CNNM2: variants seen among roughly 807,000 people sequenced by gnomAD.
CNNM2 encodes the protein metal transporter CNNM2.
A neutral mutation model predicts 66.9 loss-of-function variants in CNNM2; 12 were observed. The observed-to-expected ratio is 0.18, with a 90% CI of 0.11 to 0.29. The LOEUF is 0.29. Ranked by LOEUF, CNNM2 falls within the 10% of genes least tolerant of loss-of-function variation. CNNM2 has a pLI of 1.00. For synonymous variants in CNNM2, 557 were observed against 501.8 expected (o/e 1.11, Z -1.47); for missense variants, 705 against 1,167.7 (o/e 0.60, Z 5.77).
At chr10:103,022,503 C>G (rs2064605918) in intron 1 of CNNM2, among the ~76,000 whole-genome samples, 1 of 152,168 alleles carries the variant, frequency 6.6e-6, no homozygotes, top group Non-Finnish European at 1.5e-5. Context: ...TTATCTCTTT[C>G]CAACTCTGTT....
intron 1 of CNNM2, among the ~76,000 whole-genome samples, chr10:102,925,103 C>T (rs150972635): frequency 3.3e-5 from 5 of 151,694 alleles, no homozygotes; most frequent in African/African-American, 9.7e-5. Flanking sequence ...TCAAGACCAG[C>T]CTGACCAACA....
Position 103,044,066 on chromosome 10 carries a change from A to G in CNNM2, c.1622-5641A>G, listed in dbSNP as rs1035889785. 7.2e-5 allele frequency among the ~76,000 whole-genome samples: 11 copies of G among 152,220 alleles called. No homozygotes were observed. In the South Asian group the frequency reaches 8.3e-4, roughly 11 times the overall value. On this transcript the variant is annotated intron_variant, in intron 1 of 7. Coordinates refer to ENST00000369878, the MANE Select transcript of CNNM2 (RefSeq NM_017649.5). ...TTTATAAAGTTTATTTAGTCTATGC[A>G]TATTTAAAAGTTTTAGTGTTTAATA...
intron 1 of CNNM2, among the ~76,000 whole-genome samples, chr10:102,998,775 T>C (rs953246463): frequency 2.0e-5 from 3 of 152,180 alleles, no homozygotes; most frequent in Admixed American, 6.5e-5. Flanking sequence ...AACCAGGAGT[T>C]TGAGACCACT....
intron 1 of CNNM2, among the ~76,000 whole-genome samples, chr10:102,997,396 T>A (rs2134250237): frequency 6.6e-6 from 1 of 152,314 alleles, no homozygotes; most frequent in African/African-American, 2.4e-5. Flanking sequence ...CATTTTAGTT[T>A]GAAGATGCAT....
At chr10:102,985,981 C>G (rs1333538364) in intron 1 of CNNM2, among the ~76,000 whole-genome samples, 1 of 152,154 alleles carries the variant, frequency 6.6e-6, no homozygotes, top group Non-Finnish European at 1.5e-5. Flanking sequence ...AGTGATTGCA[C>G]CTTACCTCCA....
chr10:102,974,982 G>A (rs890904613), intron 1 of CNNM2, among the ~76,000 whole-genome samples: 1 of 152,194 alleles, frequency 6.6e-6, no homozygotes, highest in Non-Finnish European at 1.5e-5. Flanking sequence ...GGCATGGGAA[G>A]CCCATAATTA....
chr10:102,998,674 C>T (rs886203934), intron 1 of CNNM2, among the ~76,000 whole-genome samples: 6 of 152,046 alleles, frequency 3.9e-5, no homozygotes, highest in Non-Finnish European at 8.8e-5. Flanking sequence ...GCTGAGGAAT[C>T]GACTACAAAA....
rs759561219 is a variant in CNNM2 at position 103,077,022 on chromosome 10, AC to A, written c.2476del (p.Gln826SerfsTer12). 1 of 1,613,620 alleles carries A rather than the reference AC, an allele frequency of 6.2e-7. No homozygotes were observed. The highest frequency in any genetic ancestry group is 8.5e-7 in the Non-Finnish European group (1 of 1,179,840). On this transcript the variant is annotated frameshift_variant, in exon 8 of 8. Transcript: ENST00000369878. LOFTEE classifies it high-confidence loss of function. The part of the protein sequence containing the change: ...NALMASRMDK[T>X]PQSSDSENTK... ...CTTGATGGCATCCCGGATGGACAAA[AC>A]CCCCCAGTCTTCAGACAGTGAAAAC...
chr10:103,014,983 T>G (rs969105551), intron 1 of CNNM2, among the ~76,000 whole-genome samples: 10 of 152,338 alleles, frequency 6.6e-5, no homozygotes, highest in Non-Finnish European at 1.5e-4. Context: ...CCCCAGGCAC[T>G]TCAAACTTCT....
rs371670698 is a variant in CNNM2 at position 103,056,812 on chromosome 10, C to G, written c.1921C>G (p.Pro641Ala). 6.2e-7 allele frequency: 1 copy of G among 1,613,860 alleles called. No homozygotes were observed. Among genetic ancestry groups the G allele is most frequent in the South Asian group, 1.1e-5 (1 of 91,074 alleles). Residue 641 changes from proline (P) to alanine (A), a missense_variant, in exon 4 of 8, where the codon CCA (proline) becomes GCA (alanine). By Grantham distance (27) the Pro-to-Ala change is conservative (BLOSUM62 -1). Transcript: ENST00000369878. The part of the protein sequence containing the change: ...FLATEVEAFS[P>A]SQMSEKILLR... ...ATCTATAGAAGTAGAAGCATTTAGCCCATCCCAGATGTCAGAGAAGATCCT... is the reference window on the plus strand; with the variant it reads ...ATCTATAGAAGTAGAAGCATTTAGCGCATCCCAGATGTCAGAGAAGATCCT...
chr10:102,927,419 A>G, intron 1 of CNNM2: 1 of 1,613,140 alleles, frequency 6.2e-7, no homozygotes, highest in African/African-American at 1.3e-5. Flanking sequence ...TTCTTTCAAC[A>G]TCACAGACAT....
intron 1 of CNNM2, among the ~76,000 whole-genome samples, chr10:102,944,972 GTTTTTTGTTTTT>G (rs1205882448): frequency 6.8e-6 from 1 of 147,616 alleles, no homozygotes; most frequent in Non-Finnish European, 1.5e-5. Context: ...GTTTTGTTTT[GTTTTTTGTTTTT>G]TTTTTTGGCA....
chr10:103,080,422 C>T lies in CNNM2; in HGVS notation c.*3242C>T, dbSNP rs1182780741. On this transcript the variant is annotated 3_prime_UTR_variant, in exon 8 of 8. Transcript: ENST00000369878. ...TCATACATTTAAACTCTTAGGAAAA[C>T]AAAATCTTAAGACTTACACAGATAT... is the stretch of plus-strand genomic sequence containing the variant. The T allele has an allele frequency of 6.6e-6, 1 of 152,222 alleles. No homozygotes were observed. The highest frequency in any genetic ancestry group is 1.5e-5 in the Non-Finnish European group (1 of 68,046). The allele number at this position is 152,222 out of a possible 1,614,324, so 9.4% of individuals were successfully genotyped here.
chr10:102,977,828 T>G (rs901252419), intron 1 of CNNM2, among the ~76,000 whole-genome samples: 7 of 152,068 alleles, frequency 4.6e-5, no homozygotes, highest in Non-Finnish European at 1.0e-4. Flanking sequence ...GGAAAGTAGG[T>G]GAACAGGAGG....
intron 4 of CNNM2, among the ~76,000 whole-genome samples, chr10:103,062,236 G>T (rs539044076): frequency 6.6e-6 from 1 of 152,308 alleles, no homozygotes; most frequent in South Asian, 2.1e-4. Context: ...ATTCAAAAGG[G>T]ACTTTTCCCT....
At chr10:103,066,525 T>G (rs2065480033) in intron 4 of CNNM2, among the ~76,000 whole-genome samples, 1 of 152,106 alleles carries the variant, frequency 6.6e-6, no homozygotes, top group Non-Finnish European at 1.5e-5. Flanking sequence ...TGCCTGGGGA[T>G]CTGCTCACCC....
chr10:102,962,772 A>C (rs2063402675), intron 1 of CNNM2, among the ~76,000 whole-genome samples: 1 of 151,504 alleles, frequency 6.6e-6, no homozygotes, highest in Admixed American at 6.6e-5. Flanking sequence ...CTTTGCATAG[A>C]ATAATTTTTA....
intron 1 of CNNM2, among the ~76,000 whole-genome samples, chr10:102,928,228 C>G (rs1281710870): frequency 6.6e-6 from 1 of 152,146 alleles, no homozygotes; most frequent in Non-Finnish European, 1.5e-5. Context: ...TCTGTAGGCT[C>G]TTGGTTGTTA....
At chr10:103,034,121 T>C (rs1173768985) in intron 1 of CNNM2, among the ~76,000 whole-genome samples, 4 of 152,060 alleles carry the variant, frequency 2.6e-5, no homozygotes, top group Non-Finnish European at 5.9e-5. Flanking sequence ...TCCAGAGATT[T>C]TTTGGGAGGG....
Sources: gnomAD v4.1 joint callset for allele counts (sites outside exome capture counted in the v4.1 genomes callset) on GRCh38, gnomAD v4.1.1 for gene constraint, MANE v1.5 for transcripts, NCBI Gene and HGNC (gene_info 2026-07-23, HGNC 2026-07-21) for gene names.